The following ANKRD44 variants were observed in gnomAD, a reference collection of about 807,000 sequenced individuals.
ANKRD44 encodes serine/threonine-protein phosphatase 6 regulatory ankyrin repeat subunit B.
A neutral mutation model predicts 116.0 loss-of-function variants in ANKRD44; 35 were observed. That is an observed-to-expected ratio of 0.30 (90% CI 0.23 to 0.40). The LOEUF (loss-of-function observed/expected upper bound fraction) is 0.40, where lower values mean the gene tolerates loss of function less well. Ranked by LOEUF, ANKRD44 falls within the 10% of genes least tolerant of loss-of-function variation. ANKRD44 has a pLI of 1.00. For synonymous variants in ANKRD44, 435 were observed against 461.8 expected, an observed-to-expected ratio of 0.94 and a Z score of 0.74; for missense variants, 1,014 against 1,242.6, an observed-to-expected ratio of 0.82 and a Z score of 2.77.
intron 2 of ANKRD44, among the ~76,000 whole-genome samples, chr2:197,165,343 G>A (rs1360307491): frequency 6.6e-6 from 1 of 152,220 alleles, no homozygotes; most frequent in Non-Finnish European, 1.5e-5. Context: ...GCCAGACTCC[G>A]TGGGAGGTGT....
intron 10 of ANKRD44, among the ~76,000 whole-genome samples, chr2:197,090,738 T>C (rs1407492289): frequency 6.6e-6 from 1 of 152,160 alleles, no homozygotes; most frequent in Non-Finnish European, 1.5e-5. Context: ...CACCAAATCC[T>C]GTGCCTATAA....
At chr2:197,244,012 A>C (rs923668236) in intron 1 of ANKRD44, among the ~76,000 whole-genome samples, 1 of 152,232 alleles carries the variant, frequency 6.6e-6, no homozygotes, top group Admixed American at 6.5e-5. Context: ...CCACCCAGGA[A>C]TGCAAACATA....
intron 16 of ANKRD44, 183 bp downstream of exon 16, chr2:197,078,520 T>A: frequency 1.4e-6 from 2 of 1,429,946 alleles, no homozygotes; most frequent in Non-Finnish European, 1.9e-6. Context: ...TAACCTGCAA[T>A]GGAAGGCAGC....
intron 16 of ANKRD44, chr2:197,028,969 T>C (rs927021381): frequency 6.4e-6 from 1 of 155,706 alleles, no homozygotes; most frequent in African/African-American, 2.4e-5. Context: ...TTTTTTTTTT[T>C]AGGATATTTT....
chr2:197,133,947 C>CTTTCG (rs1574519359), intron 4 of ANKRD44: 2 of 56,460 alleles, frequency 3.5e-5, no homozygotes, highest in Non-Finnish European at 7.4e-5. Flanking sequence ...CTTTTTCTTT[C>CTTTCG]TTTTTTTTTT....
chr2:197,284,778 G>A (rs2083362785), intron 1 of ANKRD44, among the ~76,000 whole-genome samples: 1 of 151,542 alleles, frequency 6.6e-6, no homozygotes. Flanking sequence ...CCTAGCTACT[G>A]GGGAGGCTGA....
chr2:197,230,156 C>T (rs1040256979), intron 1 of ANKRD44, among the ~76,000 whole-genome samples: 2 of 152,082 alleles, frequency 1.3e-5, no homozygotes, highest in African/African-American at 4.8e-5. Context: ...AAAGGTTAGA[C>T]TGCCAAGAAT....
chr2:197,136,322 C>T, intron 4 of ANKRD44: 1 of 483,816 alleles, frequency 2.1e-6, no homozygotes, highest in Non-Finnish European at 3.7e-6. Flanking sequence ...TAATGATATG[C>T]TTTCTGCTTT....
At chr2:197,196,217 A>G (rs2080945159) in intron 1 of ANKRD44, among the ~76,000 whole-genome samples, 1 of 152,206 alleles carries the variant, frequency 6.6e-6, no homozygotes, top group Non-Finnish European at 1.5e-5. Flanking sequence ...GGATTTAATA[A>G]TGTTAATCAA....
Position 197,057,976 on chromosome 2 carries a change from C to A in ANKRD44, c.1650+20727G>T, listed in dbSNP as rs185298229. 2.5e-3 allele frequency among the ~76,000 whole-genome samples: 380 copies of A among 152,318 alleles called. 1 individual carries two copies. Among genetic ancestry groups the A allele is most frequent in the East Asian group, 0.016 (85 of 5,188 alleles). ...GCAGTCTTATAGAACACACACATTT[C>A]CAACAGAATAATCCATTTTCATTTA... On this transcript the variant is annotated intron_variant, in intron 16 of 27. Coordinates refer to ENST00000282272, the MANE Select transcript of ANKRD44 (RefSeq NM_001195144.2).
chr2:197,000,893 C>A lies in ANKRD44; in HGVS notation c.2436-391G>T, dbSNP rs138429020. ...TCCCTACTAAAACTACAAAAATTAG[C>A]CAGGCGTGGTGGCGCGCACCTGTAG... On this transcript the variant is annotated intron_variant, in intron 22 of 27. Coordinates refer to ENST00000282272, the MANE Select transcript of ANKRD44 (RefSeq NM_001195144.2). Among the ~76,000 whole-genome samples, 368 of 152,262 alleles carry A rather than the reference C, an allele frequency of 2.4e-3. 2 individuals are homozygous for A. Among genetic ancestry groups the A allele is most frequent in the African/African-American group, 7.9e-3 (330 of 41,542 alleles).
intron 16 of ANKRD44, among the ~76,000 whole-genome samples, chr2:197,040,778 G>C (rs1244634953): frequency 6.6e-6 from 1 of 152,144 alleles, no homozygotes; most frequent in Non-Finnish European, 1.5e-5. Flanking sequence ...TGTAGGACAT[G>C]AACCAGTTTT....
chr2:197,279,325 G>A lies in ANKRD44; in HGVS notation c.27+31253C>T, dbSNP rs570740131. Reference sequence around the variant, plus strand: ...AAGATGGCCTGAGAAACAGCATCACGCAGTCCAGGCAGTAAACAAGCCATT... The same window carrying A: ...AAGATGGCCTGAGAAACAGCATCACACAGTCCAGGCAGTAAACAAGCCATT... On this transcript the variant is annotated intron_variant, in intron 1 of 27. Coordinates refer to ENST00000282272, the MANE Select transcript of ANKRD44 (RefSeq NM_001195144.2). Among the ~76,000 whole-genome samples the A allele has an allele frequency of 5.0e-4, 76 of 152,198 alleles. 2 individuals carry two copies. The South Asian group carries it at 0.013, about 27-fold the overall frequency.
Position 197,310,661 on chromosome 2 carries a change from C to T in ANKRD44, c.-57G>A, listed in dbSNP as rs1559241972. ...GGTCCCCGGCCCGCAGATGTCACGC[C>T]GGGAGCCGGGGAAGCGGAAGGGATT... On this transcript the variant is annotated 5_prime_UTR_variant, in exon 1 of 28. Transcript: ENST00000282272. 8 of 1,319,640 alleles carry T rather than the reference C, an allele frequency of 6.1e-6. No individual in the cohort carries two copies. Among genetic ancestry groups the T allele is most frequent in the Admixed American group, 2.8e-5 (1 of 36,254 alleles). 81.7% of individuals were successfully genotyped at this position (1,319,640 alleles called of 1,614,324 possible). A position where few individuals can be genotyped will look rare whatever the true frequency, so the allele number is the denominator to read the frequency against.
chr2:197,261,714 C>T (rs2105731751), intron 1 of ANKRD44, among the ~76,000 whole-genome samples: 1 of 152,208 alleles, frequency 6.6e-6, no homozygotes, highest in African/African-American at 2.4e-5. Context: ...GGAGTGATAA[C>T]AAGGGACCCT....
chr2:197,301,997 T>C (rs1168061950), intron 1 of ANKRD44, among the ~76,000 whole-genome samples: 1 of 152,190 alleles, frequency 6.6e-6, no homozygotes, highest in Non-Finnish European at 1.5e-5. Context: ...AGGTAACATC[T>C]GAGGAAAGAC....
At chr2:197,215,544 C>A (rs139785227) in intron 1 of ANKRD44, among the ~76,000 whole-genome samples, 2 of 151,992 alleles carry the variant, frequency 1.3e-5, no homozygotes, top group Admixed American at 6.6e-5. Context: ...AGAAAATCTC[C>A]GCAAATAATT....
At chr2:197,081,866 A>T in intron 14 of ANKRD44, 141 bp from the exon 15 acceptor site, 1 of 650,164 alleles carries the variant, frequency 1.5e-6, no homozygotes. Context: ...TTCATTGAAG[A>T]TATACATGGT....
At chr2:197,030,294 G>A (rs946756997) in intron 16 of ANKRD44, among the ~76,000 whole-genome samples, 1 of 152,200 alleles carries the variant, frequency 6.6e-6, no homozygotes, top group Non-Finnish European at 1.5e-5. Flanking sequence ...CAGGTCATGA[G>A]AACAGTGCCT....
Sources: allele counts gnomAD v4.1 joint callset (sites outside exome capture counted in the v4.1 genomes callset), GRCh38; gene constraint gnomAD v4.1.1; transcripts MANE v1.5; gene names NCBI Gene and HGNC (gene_info 2026-07-23, HGNC 2026-07-21).